The following LRP1B variants were observed in gnomAD, a reference collection of about 807,000 sequenced individuals.
LRP1B encodes LDL receptor related protein 1B.
Under a neutral mutation model 556.6 loss-of-function variants are expected in LRP1B, and 217 were observed. The ratio of observed to expected loss-of-function variants is 0.39; its 90% confidence interval spans 0.35 to 0.44. The LOEUF (loss-of-function observed/expected upper bound fraction) is 0.44. Among genes scored for constraint, LRP1B ranks in the 20% least tolerant of loss-of-function variants. The pLI is 1.00. For missense variants in LRP1B, 5,053 were observed against 5,620.8 expected (o/e 0.90, Z 3.23); for synonymous variants, 2,047 against 1,865.8 (o/e 1.10, Z -2.50).
intron 1 of LRP1B, among the ~76,000 whole-genome samples, chr2:142,071,231 G>A (rs779964341): frequency 6.6e-6 from 1 of 151,824 alleles, no homozygotes; most frequent in African/African-American, 2.4e-5. Context: ...TTAACTGGTT[G>A]GTAGGCAGCT....
intron 7 of LRP1B, among the ~76,000 whole-genome samples, chr2:141,162,339 T>C (rs1020899030): frequency 3.9e-5 from 6 of 152,092 alleles, no homozygotes; most frequent in Non-Finnish European, 8.8e-5. Context: ...GGGGTAACAT[T>C]ACCCTGGAAG....
intron 1 of LRP1B, among the ~76,000 whole-genome samples, chr2:141,943,047 A>G (rs1700859108): frequency 6.6e-6 from 1 of 152,250 alleles, no homozygotes; most frequent in Non-Finnish European, 1.5e-5. Flanking sequence ...TAATAAGAAA[A>G]TATTGAGTAT....
rs546299067 is a variant in LRP1B, at chr2:141,634,597, T to C, written c.206-154064A>G. On this transcript the variant is annotated intron_variant, in intron 2 of 90. Transcript: ENST00000389484. ...GCTTCTCTTATAAAATTTTAGAAAATGTGACTGTGCTTTATCTCACATTTA... is the reference window on the plus strand; with the variant it reads ...GCTTCTCTTATAAAATTTTAGAAAACGTGACTGTGCTTTATCTCACATTTA... Among the ~76,000 whole-genome samples, 405 of 152,114 alleles carry C rather than the reference T, an allele frequency of 2.7e-3. 2 individuals are homozygous for C. Among genetic ancestry groups the C allele is most frequent in the African/African-American group, 9.1e-3 (380 of 41,558 alleles).
At chr2:140,564,754 T>C (rs1393102793) in intron 43 of LRP1B, among the ~76,000 whole-genome samples, 1 of 152,080 alleles carries the variant, frequency 6.6e-6, no homozygotes, top group Non-Finnish European at 1.5e-5. Flanking sequence ...TTGTGATGTA[T>C]ACAGTTTAAT....
chr2:140,655,798 C>G (rs1052585466), intron 41 of LRP1B, among the ~76,000 whole-genome samples: 12 of 152,078 alleles, frequency 7.9e-5, no homozygotes, highest in Non-Finnish European at 5.9e-5. Flanking sequence ...AAAAAATTAG[C>G]CGGGCATAGT....
intron 1 of LRP1B, among the ~76,000 whole-genome samples, chr2:142,040,329 T>G (rs1704020566): frequency 6.6e-6 from 1 of 151,408 alleles, no homozygotes; most frequent in Admixed American, 6.6e-5. Context: ...GCTATCATTT[T>G]TAAAAGAGAA....
chr2:141,431,435 C>A (rs1164803243), intron 3 of LRP1B, among the ~76,000 whole-genome samples: 1 of 152,172 alleles, frequency 6.6e-6, no homozygotes, highest in African/African-American at 2.4e-5. Flanking sequence ...ATTTTGCCAA[C>A]AACCTGAACG....
chr2:140,507,858 C>T (rs1689485467), intron 52 of LRP1B, among the ~76,000 whole-genome samples: 1 of 152,038 alleles, frequency 6.6e-6, no homozygotes, highest in African/African-American at 2.4e-5. Flanking sequence ...TATTTGTATC[C>T]TTAAGGAAGC....
intron 1 of LRP1B, among the ~76,000 whole-genome samples, chr2:141,827,355 A>G (rs1696971317): frequency 6.6e-6 from 1 of 152,202 alleles, no homozygotes; most frequent in African/African-American, 2.4e-5. Flanking sequence ...TTTTTTTATG[A>G]GTAACATACT....
rs533847541 is a variant in LRP1B at position 140,963,957 on chromosome 2, G to A, written c.2888-12017C>T. The stretch of plus-strand genomic sequence containing the variant: ...AACAGATAAGAGAAAAGGCAGCTGG[G>A]CCCAGGGGACCACTACCACCAATGC... On this transcript the variant is annotated intron_variant, in intron 18 of 90. Coordinates refer to ENST00000389484, the MANE Select transcript of LRP1B (RefSeq NM_018557.3). Among the ~76,000 whole-genome samples the A allele has an allele frequency of 3.3e-5, 5 of 152,234 alleles. No individual in the cohort carries two copies. The South Asian group carries it at 8.3e-4, about 25-fold the overall frequency.
At chr2:140,425,169 C>T (rs1040663152) in intron 66 of LRP1B, among the ~76,000 whole-genome samples, 1 of 151,836 alleles carries the variant, frequency 6.6e-6, no homozygotes. Flanking sequence ...AGACACTGTA[C>T]CCCTATATTG....
chr2:141,057,520 C>CGT (rs1699211600), intron 9 of LRP1B, among the ~76,000 whole-genome samples: 1 of 151,752 alleles, frequency 6.6e-6, no homozygotes, highest in African/African-American at 2.4e-5. Context: ...GGGGGGGACC[C>CGT]AGTAGGAGGT....
At chr2:140,324,771 T>C (rs1680370509) in intron 80 of LRP1B, among the ~76,000 whole-genome samples, 1 of 151,936 alleles carries the variant, frequency 6.6e-6, no homozygotes, top group African/African-American at 2.4e-5. Flanking sequence ...AAAGTGTCTT[T>C]ATATTCATAT....
At chr2:140,594,928 C>T (rs560395014) in intron 43 of LRP1B, among the ~76,000 whole-genome samples, 4 of 151,586 alleles carry the variant, frequency 2.6e-5, no homozygotes, top group East Asian at 1.9e-4. Flanking sequence ...CTTCAATCTT[C>T]GTAACTATAC....
chr2:140,358,762 C>A (rs1573841743), intron 73 of LRP1B, 59 bp downstream of exon 73: 5 of 1,571,520 alleles, frequency 3.2e-6, no homozygotes, highest in Middle Eastern at 1.7e-4. Context: ...TGTTTGTACT[C>A]CAAGTCATCA....
chr2:141,762,640 C>T (rs753954412), intron 2 of LRP1B, among the ~76,000 whole-genome samples: 2 of 152,054 alleles, frequency 1.3e-5, no homozygotes, highest in Admixed American at 1.3e-4. Context: ...GATAAGGTTT[C>T]AACACAAGTC....
At chr2:140,415,234 T>C (rs1685139354) in intron 66 of LRP1B, among the ~76,000 whole-genome samples, 1 of 149,930 alleles carries the variant, frequency 6.7e-6, no homozygotes, top group Non-Finnish European at 1.5e-5. Context: ...TTATCAGTAG[T>C]TCTGCTTTTG....
intron 2 of LRP1B, among the ~76,000 whole-genome samples, chr2:141,598,421 CT>C (rs906185696): frequency 6.6e-6 from 1 of 152,030 alleles, no homozygotes; most frequent in African/African-American, 2.4e-5. Flanking sequence ...GATTAAAAAA[CT>C]TACAGGTCTT....
intron 43 of LRP1B, among the ~76,000 whole-genome samples, chr2:140,546,011 T>TGTGC (rs1553484365): frequency 6.9e-6 from 1 of 144,686 alleles, no homozygotes; most frequent in Non-Finnish European, 1.5e-5. Flanking sequence ...TGTGTGTGTG[T>TGTGC]GTGTGTGTGT....
Sources: gnomAD v4.1 joint callset for allele counts (sites outside exome capture counted in the v4.1 genomes callset) on GRCh38, gnomAD v4.1.1 for gene constraint, MANE v1.5 for transcripts, NCBI Gene and HGNC (gene_info 2026-07-23, HGNC 2026-07-21) for gene names.